The following PLBD1 variants were observed in gnomAD, a reference collection of about 807,000 sequenced individuals.
PLBD1 encodes phospholipase B domain containing 1.
In PLBD1, 60 loss-of-function variants were observed where a neutral mutation model predicts 63.0. The observed-to-expected ratio is 0.95, with a 90% CI of 0.77 to 1.18. The LOEUF (loss-of-function observed/expected upper bound fraction) is 1.18, where lower values mean the gene tolerates loss of function less well. PLBD1 is among the 50% of genes most tolerant of loss of function. The pLI is 0.00. For missense variants in PLBD1, 598 were observed against 677.9 expected, an observed-to-expected ratio of 0.88 and a Z score of 1.31; for synonymous variants, 262 against 248.0, an observed-to-expected ratio of 1.06 and a Z score of -0.53.
At chr12:14,516,192 G>C (rs10128970) in intron 6 of PLBD1, among the ~76,000 whole-genome samples, 2 of 152,090 alleles carry the variant, frequency 1.3e-5, no homozygotes, top group Non-Finnish European at 2.9e-5. Context: ...AGCTGGGCAC[G>C]GTGGCGCGCG....
intron 8 of PLBD1, among the ~76,000 whole-genome samples, chr12:14,507,656 T>C (rs73308015): frequency 0.043 from 6,483 of 152,272 alleles, 185 homozygotes; most frequent in Middle Eastern, 0.092. Context: ...TCTGTTTCTT[T>C]TTTTTTGAAA....
chr12:14,515,105 TAGTCATGCAAATGGCA>T (rs1461813556), intron 6 of PLBD1, among the ~76,000 whole-genome samples: 1 of 152,204 alleles, frequency 6.6e-6, no homozygotes, highest in Non-Finnish European at 1.5e-5. Context: ...AACCACTATG[TAGTCATGCAAATGGCA>T]ACAACAGTTA....
chr12:14,503,898 T>C lies in PLBD1; in HGVS notation c.1536A>G (p.Thr512=), dbSNP rs571879467. 15 of 1,614,056 alleles carry C rather than the reference T, an allele frequency of 9.3e-6. No individual in the cohort carries two copies. In the African/African-American group the frequency reaches 1.5e-4, roughly 16 times the overall value. The change falls in exon 11 of 11, where the codon ACA becomes ACG. Residue 512 remains threonine, a synonymous_variant. Transcript: ENST00000240617. The part of the protein sequence containing the change: ...QYTSYAISGP[T]VQGGLPVFRW... ...GAAAAACAGGGAGGCCACCTTGTAC[T>C]GTGGGACCACTTATGGCATAGGATG...
intron 1 of PLBD1, among the ~76,000 whole-genome samples, chr12:14,565,972 C>G (rs1945776959): frequency 6.6e-6 from 1 of 152,186 alleles, no homozygotes; most frequent in Non-Finnish European, 1.5e-5. Flanking sequence ...CAGTTTCTTA[C>G]AAGGTGGTAC....
intron 1 of PLBD1, among the ~76,000 whole-genome samples, chr12:14,562,160 T>G (rs1378626401): frequency 6.6e-6 from 1 of 152,180 alleles, no homozygotes; most frequent in African/African-American, 2.4e-5. Flanking sequence ...CAGTTTTCTC[T>G]AGGAAGACTG....
At chr12:14,550,523 G>A (rs1170519411) in intron 2 of PLBD1, among the ~76,000 whole-genome samples, 1 of 152,168 alleles carries the variant, frequency 6.6e-6, no homozygotes, top group Non-Finnish European at 1.5e-5. Flanking sequence ...TATAGCGAGT[G>A]TCTTTTTTTA....
chr12:14,512,421 T>C (rs1015057808), intron 6 of PLBD1, among the ~76,000 whole-genome samples: 1 of 152,172 alleles, frequency 6.6e-6, no homozygotes, highest in African/African-American at 2.4e-5. Context: ...GTGCTGGGAT[T>C]ACAGGTGTGG....
intron 6 of PLBD1, 25 bp downstream of exon 6, chr12:14,535,634 C>T (rs888410781): frequency 3.7e-6 from 6 of 1,612,406 alleles, no homozygotes; most frequent in Admixed American, 1.7e-5. Context: ...TCAAAGTGCT[C>T]AGATGTTCCT....
chr12:14,516,164 A>C lies in PLBD1; in HGVS notation c.845-4453T>G, dbSNP rs543870087. The stretch of plus-strand genomic sequence containing the variant: ...ACCAACATGGTGAAACCCCGTCTCT[A>C]CTAAAAATACAAAAATTAGCTGGGC... On this transcript the variant is annotated intron_variant, in intron 6 of 10. Coordinates refer to ENST00000240617, the MANE Select transcript of PLBD1 (RefSeq NM_024829.6). Among the ~76,000 whole-genome samples, 26 of 152,052 alleles carry C rather than the reference A, an allele frequency of 1.7e-4. No homozygotes were observed. The South Asian group carries it at 5.2e-3, about 30-fold the overall frequency.
intron 1 of PLBD1, among the ~76,000 whole-genome samples, chr12:14,564,175 C>G (rs1945763716): frequency 6.6e-6 from 1 of 152,006 alleles, no homozygotes; most frequent in Non-Finnish European, 1.5e-5. Context: ...CATTGTACTC[C>G]AGCCTGGGTG....
chr12:14,515,466 G>T (rs1945330111), intron 6 of PLBD1, among the ~76,000 whole-genome samples: 1 of 151,466 alleles, frequency 6.6e-6, no homozygotes, highest in Non-Finnish European at 1.5e-5. Context: ...TAGAATACGT[G>T]CCCGTATTCT....
intron 8 of PLBD1, among the ~76,000 whole-genome samples, chr12:14,509,180 CAGT>C (rs1247085754): frequency 6.6e-6 from 1 of 152,016 alleles, no homozygotes; most frequent in Non-Finnish European, 1.5e-5. Flanking sequence ...GTCTAGAATG[CAGT>C]AGGTACTCTG....
intron 8 of PLBD1, among the ~76,000 whole-genome samples, chr12:14,509,964 A>G (rs1215598599): frequency 1.3e-5 from 2 of 152,236 alleles, no homozygotes; most frequent in African/African-American, 4.8e-5. Flanking sequence ...CTTGGGAGCC[A>G]GATGAGTCTC....
rs145582746 is a variant in PLBD1, at chr12:14,506,942, G to A, written c.1363C>T (p.Arg455Ter). Residue 455 changes from arginine (R) to a stop codon, truncating the protein, a stop_gained, in exon 9 of 11, where the codon CGA becomes TGA. Coordinates refer to ENST00000240617, the MANE Select transcript of PLBD1 (RefSeq NM_024829.6). LOFTEE classifies it high-confidence loss of function. ...TDTASMKYIM[R>*]YNNYKKDPYS... ...GAAATATGCTACGTACTGTTGTATC[G>A]CATGATATATTTCATGGATGCCGTA... 204 of 1,613,646 alleles carry A rather than the reference G, an allele frequency of 1.3e-4. No individual in the cohort carries two copies. Among genetic ancestry groups the A allele is most frequent in the Non-Finnish European group, 1.7e-4 (200 of 1,179,778 alleles).
chr12:14,566,488 A>C (rs556775199), intron 1 of PLBD1, among the ~76,000 whole-genome samples: 2 of 152,332 alleles, frequency 1.3e-5, no homozygotes, highest in African/African-American at 4.8e-5. Context: ...TTCTCTTATT[A>C]TTACTTTAGA....
intron 6 of PLBD1, among the ~76,000 whole-genome samples, chr12:14,521,795 CTGACCT>C (rs1443403781): frequency 6.6e-6 from 1 of 152,014 alleles, no homozygotes; most frequent in Non-Finnish European, 1.5e-5. Flanking sequence ...TCTCCCATAA[CTGACCT>C]TAAAGAAATG....
At chr12:14,550,837 C>T (rs1049325715) in intron 2 of PLBD1, among the ~76,000 whole-genome samples, 1 of 150,958 alleles carries the variant, frequency 6.6e-6, no homozygotes, top group African/African-American at 2.4e-5. Context: ...GAGATCACGC[C>T]ATCGCACTCT....
At chr12:14,532,166 C>T (rs995082648) in intron 6 of PLBD1, among the ~76,000 whole-genome samples, 1 of 152,166 alleles carries the variant, frequency 6.6e-6, no homozygotes, top group Non-Finnish European at 1.5e-5. Context: ...AGAGCTGTCC[C>T]AATCACACCA....
intron 6 of PLBD1, among the ~76,000 whole-genome samples, chr12:14,534,897 G>A (rs1247513526): frequency 2.0e-5 from 3 of 152,116 alleles, no homozygotes; most frequent in Non-Finnish European, 4.4e-5. Flanking sequence ...ATTGCATTTA[G>A]GCCCAGGAAT....
Sources: gnomAD v4.1 joint callset for allele counts (sites outside exome capture counted in the v4.1 genomes callset) on GRCh38, gnomAD v4.1.1 for gene constraint, MANE v1.5 for transcripts, NCBI Gene and HGNC (gene_info 2026-07-23, HGNC 2026-07-21) for gene names.